Variants in UGT1A8 observed in about 807,000 individuals in gnomAD.
UGT1A8 encodes UDP glucuronosyltransferase family 1 member A8.
Under a neutral mutation model 45.3 loss-of-function variants are expected in UGT1A8, and 39 were observed. The ratio of observed to expected loss-of-function variants is 0.86; its 90% CI spans 0.67 to 1.12. The LOEUF is 1.12. Among genes scored for constraint, UGT1A8 ranks in the 50% most tolerant of loss-of-function variants. The probability of loss-of-function intolerance (pLI) is 0.00; values close to 1 mark genes in which losing one functional copy is unlikely to be tolerated. For missense variants in UGT1A8, 719 were observed against 664.9 expected, an observed-to-expected ratio of 1.08 and a Z score of -0.90; for synonymous variants, 275 against 249.2, an observed-to-expected ratio of 1.10 and a Z score of -0.97.
intron 1 of UGT1A8, among the ~76,000 whole-genome samples, chr2:233,634,698 T>C (rs943482968): frequency 2.6e-5 from 4 of 151,636 alleles, no homozygotes; most frequent in African/African-American, 7.3e-5. Context: ...TATATGTCTT[T>C]ACACGTGAAA....
At chr2:233,682,740 A>G (rs369092989) in intron 1 of UGT1A8, 12 of 1,613,838 alleles carry the variant, frequency 7.4e-6, no homozygotes, top group Middle Eastern at 1.6e-4. Context: ...GTGATGCCCA[A>G]TATGATCTTC....
intron 1 of UGT1A8, chr2:233,760,273 A>G (rs113386420): frequency 2.5e-6 from 4 of 1,612,532 alleles, no homozygotes; most frequent in Admixed American, 1.7e-5. Flanking sequence ...AACCTCTGGC[A>G]GGAGCAAAGG....
rs1324179888 is a variant in UGT1A8 at position 233,627,988 on chromosome 2, T to G, written c.855+9426T>G. ...AGATGAAATGCTCAAACAGAGAGTA[T>G]AAATGTTATATCACATGCACTTAAG... is the stretch of plus-strand genomic sequence containing the variant. On this transcript the variant is annotated intron_variant, in intron 1 of 4. Coordinates refer to ENST00000373450, the MANE Select transcript of UGT1A8 (RefSeq NM_019076.5). Among the ~76,000 whole-genome samples, 9 of 152,150 alleles carry G rather than the reference T, an allele frequency of 5.9e-5. No homozygotes were observed. In the South Asian group the frequency reaches 6.2e-4, roughly 11 times the overall value.
chr2:233,700,811 T>C (rs969820712), intron 1 of UGT1A8, among the ~76,000 whole-genome samples: 1 of 152,126 alleles, frequency 6.6e-6, no homozygotes, highest in Non-Finnish European at 1.5e-5. Flanking sequence ...CATGTTGGTG[T>C]GCTGCACCCA....
chr2:233,708,408 G>A (rs1167120338), intron 1 of UGT1A8: 1 of 152,066 alleles, frequency 6.6e-6, no homozygotes, highest in African/African-American at 2.4e-5. Context: ...TCATCAAGTT[G>A]TTTCACCAGT....
intron 1 of UGT1A8, among the ~76,000 whole-genome samples, chr2:233,631,831 A>G (rs1368249509): frequency 6.6e-6 from 1 of 152,048 alleles, no homozygotes; most frequent in East Asian, 1.9e-4. Flanking sequence ...GAAGCTGTTT[A>G]GTTTAATTAG....
rs747059242 is a variant in UGT1A8 at position 233,693,604 on chromosome 2, A to T, written c.856-73430A>T. The T allele has an allele frequency of 7.4e-6, 12 of 1,614,100 alleles. No individual in the cohort carries two copies. The South Asian group carries it at 1.2e-4, about 16-fold the overall frequency. On this transcript the variant is annotated intron_variant, in intron 1 of 4. Transcript: ENST00000373450. ...TTCCCAGGTGCTACACAAAGTTTTC[A>T]GACCACATGACTTTTTCCCAACGAG... is the stretch of plus-strand genomic sequence containing the variant.
intron 1 of UGT1A8, chr2:233,729,725 C>T (rs780989099): frequency 6.2e-7 from 1 of 1,613,968 alleles, no homozygotes; most frequent in South Asian, 1.1e-5. Flanking sequence ...TTACTAACAA[C>T]CAATTCAGAC....
chr2:233,719,410 T>G, intron 1 of UGT1A8: 1 of 1,613,994 alleles, frequency 6.2e-7, no homozygotes, highest in African/African-American at 1.3e-5. Context: ...ATTCCTAAGT[T>G]ACTAACGACC....
At chr2:233,661,924 A>G (rs2073979291) in intron 1 of UGT1A8, among the ~76,000 whole-genome samples, 1 of 152,088 alleles carries the variant, frequency 6.6e-6, no homozygotes, top group South Asian at 2.1e-4. Flanking sequence ...CTGTGAGATC[A>G]GTGTTTACTG....
chr2:233,693,703 A>T, intron 1 of UGT1A8: 2 of 1,614,248 alleles, frequency 1.2e-6, no homozygotes, highest in East Asian at 4.5e-5. Context: ...AAGAACTCGC[A>T]TCAGCTGTCC....
intron 1 of UGT1A8, among the ~76,000 whole-genome samples, chr2:233,669,349 AAGAT>A (rs1334123581): frequency 1.8e-4 from 28 of 152,314 alleles, no homozygotes; most frequent in African/African-American, 5.3e-4. Context: ...TTTGTACAAA[AAGAT>A]AGCCTGCTGG....
Position 233,706,266 on chromosome 2 carries a change from C to T in UGT1A8, c.856-60768C>T, listed in dbSNP as rs377506565. Among the ~76,000 whole-genome samples, 11 of 152,174 alleles carry T rather than the reference C, an allele frequency of 7.2e-5. No homozygotes were observed. In the East Asian group the frequency reaches 9.6e-4, roughly 13 times the overall value. ...GAGAGAACCAGGGCAGCTGGATTGC[C>T]CAACCTCAGGGGTGGGGCCCAGTGC... On this transcript the variant is annotated intron_variant, in intron 1 of 4. Coordinates refer to ENST00000373450, the MANE Select transcript of UGT1A8 (RefSeq NM_019076.5).
At chr2:233,658,480 G>A (rs1030699732) in intron 1 of UGT1A8, among the ~76,000 whole-genome samples, 4 of 152,160 alleles carry the variant, frequency 2.6e-5, no homozygotes, top group African/African-American at 4.8e-5. Flanking sequence ...GATACCAAAT[G>A]ACATTTAGCC....
intron 1 of UGT1A8, among the ~76,000 whole-genome samples, chr2:233,702,779 G>A (rs558414235): frequency 6.6e-6 from 1 of 152,162 alleles, no homozygotes; most frequent in African/African-American, 2.4e-5. Context: ...ATTTGCAGGT[G>A]TAAACGAACC....
chr2:233,621,238 G>T (rs1277888939), intron 1 of UGT1A8, among the ~76,000 whole-genome samples: 1 of 152,184 alleles, frequency 6.6e-6, no homozygotes, highest in African/African-American at 2.4e-5. Context: ...CAATGTGTGT[G>T]TGTTGATTAA....
At chr2:233,740,911 C>A (rs1291553695) in intron 1 of UGT1A8, 2 of 130,742 alleles carry the variant, frequency 1.5e-5, no homozygotes, top group Non-Finnish European at 1.6e-5. Context: ...CAACATTGTT[C>A]CCATCTCCAC....
intron 1 of UGT1A8, among the ~76,000 whole-genome samples, chr2:233,619,661 T>A (rs947479498): frequency 2.0e-5 from 3 of 152,220 alleles, no homozygotes; most frequent in African/African-American, 7.2e-5. Flanking sequence ...TTTTTGAAAC[T>A]ATTTTTTTAC....
In UGT1A8 at chr2:233,729,706, A is replaced by G. The variant is rs765358278; in HGVS notation, c.856-37328A>G. 8 of 1,613,874 alleles carry G rather than the reference A, an allele frequency of 5.0e-6. No homozygotes were observed. The East Asian group carries it at 1.6e-4, about 31-fold the overall frequency. ...ACAGTGTCCAAACCCTTCCTCCTAT[A>G]TTCCTAGATTACTAACAACCAATTC... On this transcript the variant is annotated intron_variant, in intron 1 of 4. Transcript: ENST00000373450.
Sources: allele counts gnomAD v4.1 joint callset (sites outside exome capture counted in the v4.1 genomes callset), GRCh38; gene constraint gnomAD v4.1.1; transcripts MANE v1.5; gene names NCBI Gene and HGNC (gene_info 2026-07-23, HGNC 2026-07-21).